The following PSD4 variants were observed in gnomAD, a reference collection of about 807,000 sequenced individuals.
PSD4 encodes pleckstrin and Sec7 domain containing 4, also known as PH and SEC7 domain-containing protein 4.
Under a neutral mutation model 112.5 loss-of-function variants are expected in PSD4, and 59 were observed. That is an observed-to-expected ratio of 0.52 (90% CI 0.43 to 0.65). The LOEUF (loss-of-function observed/expected upper bound fraction) is 0.65. Among genes scored for constraint, PSD4 ranks in the 30% least tolerant of loss-of-function variants. PSD4 has a pLI of 0.00. For synonymous variants in PSD4, 533 were observed against 540.0 expected (o/e 0.99, Z 0.18); for missense variants, 1,267 against 1,352.6 (o/e 0.94, Z 0.99).
At chr2:113,177,858 G>A (rs1372625775) in intron 1 of PSD4, among the ~76,000 whole-genome samples, 2 of 152,164 alleles carry the variant, frequency 1.3e-5, no homozygotes, top group Admixed American at 6.6e-5. Context: ...ACTACACACC[G>A]GGATAAACGC....
intron 6 of PSD4, 135 bp downstream of exon 6, chr2:113,192,724 C>T (rs1053860499): frequency 8.1e-5 from 72 of 894,378 alleles, no homozygotes; most frequent in South Asian, 3.6e-4. Flanking sequence ...CCTAACTTTT[C>T]CCCCATACCC....
intron 12 of PSD4, 48 bp from the exon 13 acceptor site, chr2:113,197,516 G>T: frequency 6.2e-7 from 1 of 1,607,332 alleles, no homozygotes; most frequent in Non-Finnish European, 8.5e-7. Flanking sequence ...AGTGTGTCTG[G>T]ATGCTGGTGC....
At chr2:113,199,323 C>T (rs1688711061) in intron 16 of PSD4, 97 bp downstream of exon 16, 20 of 1,273,888 alleles carry the variant, frequency 1.6e-5, no homozygotes, top group Non-Finnish European at 1.9e-5. Context: ...CCTGACCGCG[C>T]CGGGGCGGGG....
rs1688289208 is a variant in PSD4 at position 113,185,984 on chromosome 2, A to G, written c.1357A>G (p.Ser453Gly). 2.5e-6 allele frequency: 4 copies of G among 1,614,112 alleles called. No homozygotes were observed. Among genetic ancestry groups the G allele is most frequent in the Non-Finnish European group, 3.4e-6 (4 of 1,179,960 alleles). The stretch of plus-strand genomic sequence containing the variant: ...AGAGCCTAGCAGCCCAGAATCTGAG[A>G]GCAGAGGCCCTGGTCCCAGGCCCAG... ...SPEPSSPESE[S>G]RGPGPRPSPA... is the part of the protein sequence containing the mutation. Residue 453 changes from serine (S) to glycine (G), a missense_variant, in exon 5 of 17, where the codon AGC becomes GGC. Ser to Gly is a moderately conservative substitution (Grantham distance 56). This residue lies in a region of PSD4 where 723 missense variants were observed against 704.0 expected (regional missense o/e 1.03). Coordinates refer to ENST00000245796, the MANE Select transcript of PSD4 (RefSeq NM_012455.3).
rs1688159130 is a variant in PSD4, at chr2:113,182,326, C to T, written c.-111-20C>T. On this transcript the variant is annotated intron_variant, in intron 1 of 16. Coordinates refer to ENST00000245796, the MANE Select transcript of PSD4 (RefSeq NM_012455.3). Reference sequence around the variant, plus strand: ...GCTGACAGCCCTTCCCTAACCTGCACTTGCTTTGGGCATTTCCAGGGTAGA... The same window carrying T: ...GCTGACAGCCCTTCCCTAACCTGCATTTGCTTTGGGCATTTCCAGGGTAGA... 2.2e-6 allele frequency: 2 copies of T among 905,018 alleles called. No homozygotes were observed. Among genetic ancestry groups the T allele is most frequent in the East Asian group, 2.6e-5 (1 of 38,244 alleles). 56.1% of individuals were successfully genotyped at this position (905,018 alleles called of 1,614,324 possible).
chr2:113,183,629 AC>A lies in PSD4; in HGVS notation c.1056+119del, dbSNP rs369678565. The stretch of plus-strand genomic sequence containing the variant: ...TCTGACGCTAAGAGCTTTGGGGATA[AC>A]CTGCATCAGTATATAGCAGGGTAAT... On this transcript the variant is annotated intron_variant, in intron 2 of 16. Transcript: ENST00000245796. The A allele has an allele frequency of 5.0e-6, 5 of 1,004,810 alleles. No individual in the cohort carries two copies. In the African/African-American group the frequency reaches 8.2e-5, roughly 16 times the overall value. The allele number at this position is 1,004,810 out of a possible 1,614,324, so 62.2% of individuals were successfully genotyped here.
At chr2:113,197,958 C>T in intron 14 of PSD4, 45 bp downstream of exon 14, 1 of 1,491,314 alleles carries the variant, frequency 6.7e-7, no homozygotes, top group Non-Finnish European at 9.0e-7. Context: ...TTGCCCTGCC[C>T]TAGTTCTCTC....
intron 1 of PSD4, among the ~76,000 whole-genome samples, chr2:113,177,414 C>T (rs927190679): frequency 9.9e-5 from 15 of 152,198 alleles, no homozygotes; most frequent in African/African-American, 2.7e-4. Context: ...TGTTCTACAA[C>T]GCCGACTCTC....
chr2:113,180,892 G>A (rs1402617971), intron 1 of PSD4, among the ~76,000 whole-genome samples: 8 of 152,102 alleles, frequency 5.3e-5, no homozygotes, highest in African/African-American at 1.4e-4. Flanking sequence ...ATAGAAATCT[G>A]TGAGTGAAGA....
At chr2:113,187,502 C>T (rs1242179623) in intron 5 of PSD4, among the ~76,000 whole-genome samples, 2 of 152,200 alleles carry the variant, frequency 1.3e-5, no homozygotes, top group African/African-American at 2.4e-5. Context: ...CCTTCCCCCA[C>T]CTAGCAGCCT....
intron 16 of PSD4, among the ~76,000 whole-genome samples, chr2:113,200,097 A>G (rs1362367311): frequency 6.6e-6 from 1 of 151,890 alleles, no homozygotes; most frequent in Non-Finnish European, 1.5e-5. Context: ...AAGTGCTGGG[A>G]TTACAGGTGT....
chr2:113,191,285 T>C (rs550835590), intron 5 of PSD4, among the ~76,000 whole-genome samples: 1 of 152,300 alleles, frequency 6.6e-6, no homozygotes, highest in Non-Finnish European at 1.5e-5. Context: ...TGTTTTCTTT[T>C]TTTTCTTTTA....
At position 113,201,429 on chromosome 2, in the gene PSD4, T is replaced by A. The variant is rs1288376127; in HGVS notation, c.*14T>A. The A allele has an allele frequency of 6.2e-7, 1 of 1,612,298 alleles. No homozygotes were observed. The highest frequency in any genetic ancestry group is 1.3e-5 in the African/African-American group (1 of 75,026). On this transcript the variant is annotated 3_prime_UTR_variant, in exon 17 of 17. Transcript: ENST00000245796. ...AATCAGCTGTGAAGCCAGCACCACCTCAGAGACACTGTTCCCTGCTCCAGG... is the reference window on the plus strand; with the variant it reads ...AATCAGCTGTGAAGCCAGCACCACCACAGAGACACTGTTCCCTGCTCCAGG...
At position 113,207,004 on chromosome 2, in the gene PSD4, G is replaced by A. The variant is rs994075553; in HGVS notation, c.*5589G>A. On this transcript the variant is annotated 3_prime_UTR_variant, in exon 17 of 17. Transcript: ENST00000245796. Reference sequence around the variant, plus strand: ...GCCCCTTTTCTCTCTTGTTCTTTTGGGGGCTCCATCTCCCAGGCCTATGAG... The same window carrying A: ...GCCCCTTTTCTCTCTTGTTCTTTTGAGGGCTCCATCTCCCAGGCCTATGAG... The A allele has an allele frequency of 1.3e-5, 2 of 152,074 alleles. No individual in the cohort carries two copies. The highest frequency in any genetic ancestry group is 4.8e-5 in the African/African-American group (2 of 41,396). The allele number at this position is 152,074 out of a possible 1,614,324, so 9.4% of individuals were successfully genotyped here.
At chr2:113,183,583 A>T (rs1278646092) in intron 2 of PSD4, 71 bp downstream of exon 2, 1 of 1,368,408 alleles carries the variant, frequency 7.3e-7, no homozygotes, top group African/African-American at 1.5e-5. Flanking sequence ...CTCGGGGGTC[A>T]CCAGGCCCAG....
At chr2:113,201,008 A>G in intron 16 of PSD4, 150 bp from the exon 17 acceptor site, 1 of 968,650 alleles carries the variant, frequency 1.0e-6, no homozygotes, top group Non-Finnish European at 1.6e-6. Flanking sequence ...TCCAAGCATT[A>G]TACTGACACT....
intron 5 of PSD4, among the ~76,000 whole-genome samples, chr2:113,189,160 T>C (rs1688384952): frequency 6.6e-6 from 1 of 152,164 alleles, no homozygotes; most frequent in Non-Finnish European, 1.5e-5. Context: ...ACATAGGATG[T>C]TTGCGTTTCC....
intron 11 of PSD4, 110 bp downstream of exon 11, chr2:113,195,880 T>A: frequency 6.9e-7 from 1 of 1,455,780 alleles, no homozygotes; most frequent in Non-Finnish European, 9.5e-7. Flanking sequence ...AGTGCTCCCC[T>A]TGGAGTGAGG....
At chr2:113,201,133 A>G in intron 16 of PSD4, 25 bp from the exon 17 acceptor site, 1 of 1,589,472 alleles carries the variant, frequency 6.3e-7, no homozygotes. Context: ...GATGGTGCTA[A>G]GGTGGTGGGG....
Sources: allele counts gnomAD v4.1 joint callset (sites outside exome capture counted in the v4.1 genomes callset), GRCh38; gene constraint gnomAD v4.1.1; regional missense constraint gnomAD v4.1.1; transcripts MANE v1.5; gene names NCBI Gene and HGNC (gene_info 2026-07-23, HGNC 2026-07-21).